MACROD2: variants seen among roughly 807,000 people sequenced by gnomAD.
MACROD2 encodes ADP-ribose glycohydrolase MACROD2.
Under a neutral mutation model 70.4 loss-of-function variants are expected in MACROD2, and 36 were observed. That is an observed-to-expected ratio of 0.51 (90% CI 0.39 to 0.68). MACROD2 has a LOEUF of 0.68. Among genes scored for constraint, MACROD2 ranks in the 30% least tolerant of loss-of-function variants. The probability of loss-of-function intolerance (pLI) is 0.00; values close to 1 mark genes in which losing one functional copy is unlikely to be tolerated. For synonymous variants in MACROD2, 172 were observed against 178.8 expected (o/e 0.96, Z 0.30); for missense variants, 496 against 538.4 (o/e 0.92, Z 0.78).
At chr20:14,688,506 A>T (rs1387454419) in intron 5 of MACROD2, among the ~76,000 whole-genome samples, 1 of 152,194 alleles carries the variant, frequency 6.6e-6, no homozygotes, top group East Asian at 1.9e-4. Context: ...AAGAATATCC[A>T]ATCATTCTTT....
At chr20:15,836,975 A>G (rs1179241826) in intron 8 of MACROD2, among the ~76,000 whole-genome samples, 2 of 152,208 alleles carry the variant, frequency 1.3e-5, no homozygotes, top group African/African-American at 4.8e-5. Context: ...TTCTTGAATC[A>G]GAGCATTAAA....
At chr20:15,944,463 C>A (rs2147348250) in intron 12 of MACROD2, among the ~76,000 whole-genome samples, 1 of 152,050 alleles carries the variant, frequency 6.6e-6, no homozygotes, top group South Asian at 2.1e-4. Flanking sequence ...ACCTGTCTTT[C>A]AAATATAACA....
chr20:14,874,287 T>A (rs1387624937), intron 5 of MACROD2, among the ~76,000 whole-genome samples: 4 of 116,392 alleles, frequency 3.4e-5, no homozygotes, highest in African/African-American at 5.4e-5. Context: ...CAAATGGAGA[T>A]TCATTTATTT....
chr20:15,555,013 T>C (rs2048147429), intron 8 of MACROD2, among the ~76,000 whole-genome samples: 1 of 152,246 alleles, frequency 6.6e-6, no homozygotes, highest in Non-Finnish European at 1.5e-5. Flanking sequence ...GCTACATTTC[T>C]ATCAGTGGAA....
intron 4 of MACROD2, among the ~76,000 whole-genome samples, chr20:14,517,896 A>G (rs1416155896): frequency 2.0e-5 from 3 of 152,012 alleles, no homozygotes; most frequent in African/African-American, 7.2e-5. Context: ...TCCAGTAGCC[A>G]TATCATGCTA....
intron 5 of MACROD2, among the ~76,000 whole-genome samples, chr20:14,851,657 T>G (rs2073200570): frequency 6.6e-6 from 1 of 152,148 alleles, no homozygotes; most frequent in South Asian, 2.1e-4. Flanking sequence ...GGCATGAAGT[T>G]CATGTACACA....
chr20:15,663,518 G>A (rs1320057947), intron 8 of MACROD2, among the ~76,000 whole-genome samples: 4 of 151,930 alleles, frequency 2.6e-5, no homozygotes, highest in African/African-American at 9.7e-5. Flanking sequence ...ATATAGGCAT[G>A]AGCCATCGTG....
At chr20:16,037,764 G>T (rs913214924) in intron 15 of MACROD2, among the ~76,000 whole-genome samples, 2 of 151,786 alleles carry the variant, frequency 1.3e-5, no homozygotes, top group Admixed American at 1.3e-4. Flanking sequence ...TCTTTTCAAG[G>T]TTATTTTGTA....
intron 5 of MACROD2, among the ~76,000 whole-genome samples, chr20:14,753,904 T>C (rs2071907470): frequency 6.6e-6 from 1 of 152,136 alleles, no homozygotes; most frequent in Admixed American, 6.5e-5. Flanking sequence ...GTCCAAATTT[T>C]TGTTTCATGA....
chr20:14,428,242 A>T (rs557874901), intron 3 of MACROD2, among the ~76,000 whole-genome samples: 88 of 152,236 alleles, frequency 5.8e-4, no homozygotes, highest in African/African-American at 1.8e-3. Flanking sequence ...TGTCTTCAAG[A>T]TATATGCCTA....
intron 8 of MACROD2, among the ~76,000 whole-genome samples, chr20:15,843,653 T>C (rs1250747104): frequency 6.6e-6 from 1 of 152,162 alleles, no homozygotes; most frequent in Non-Finnish European, 1.5e-5. Context: ...GGTAGAATTT[T>C]TTTTGGCATA....
chr20:14,623,763 T>C, intron 4 of MACROD2, among the ~76,000 whole-genome samples: 1 of 152,138 alleles, frequency 6.6e-6, no homozygotes. Context: ...AGAATTGGAC[T>C]CTCTGATAGC....
intron 5 of MACROD2, among the ~76,000 whole-genome samples, chr20:15,116,763 A>G (rs891715483): frequency 6.6e-6 from 1 of 152,200 alleles, no homozygotes; most frequent in African/African-American, 2.4e-5. Context: ...TACAGTATGC[A>G]TTAATTGAAA....
intron 3 of MACROD2, among the ~76,000 whole-genome samples, chr20:14,154,332 G>T (rs968487169): frequency 6.6e-6 from 1 of 151,580 alleles, no homozygotes; most frequent in African/African-American, 2.4e-5. Context: ...CATGGGCGCT[G>T]AAAATGGAAC....
At chr20:14,780,423 G>A (rs116106408) in intron 5 of MACROD2, among the ~76,000 whole-genome samples, 6,959 of 151,946 alleles carry the variant, frequency 0.046, 193 homozygotes, top group African/African-American at 0.052. Flanking sequence ...TTAGTCGGGC[G>A]TGGTGACGCA....
chr20:15,361,270 T>C (rs991093201), intron 6 of MACROD2, among the ~76,000 whole-genome samples: 4 of 152,198 alleles, frequency 2.6e-5, no homozygotes, highest in African/African-American at 9.6e-5. Flanking sequence ...GATTTATTTA[T>C]TTACTTTATC....
intron 3 of MACROD2, among the ~76,000 whole-genome samples, chr20:14,302,631 A>T (rs756333329): frequency 5.3e-5 from 8 of 151,934 alleles, no homozygotes; most frequent in Non-Finnish European, 1.2e-4. Context: ...TGCTTATGTT[A>T]GAATTCAGAC....
At chr20:14,462,891 T>G (rs1303556973) in intron 3 of MACROD2, among the ~76,000 whole-genome samples, 3 of 152,062 alleles carry the variant, frequency 2.0e-5, no homozygotes, top group Admixed American at 6.6e-5. Context: ...TCCATTGGTC[T>G]ATATCTCTGT....
chr20:15,557,916 A>T (rs62195613), intron 8 of MACROD2, among the ~76,000 whole-genome samples: 11,939 of 152,144 alleles, frequency 0.078, 654 homozygotes, highest in East Asian at 0.15. Flanking sequence ...CCCCCTCATA[A>T]AGACGACCAC....
Sources: gnomAD v4.1 joint callset for allele counts (sites outside exome capture counted in the v4.1 genomes callset) on GRCh38, gnomAD v4.1.1 for gene constraint, MANE v1.5 for transcripts, NCBI Gene and HGNC (gene_info 2026-07-23, HGNC 2026-07-21) for gene names.